Variants in FHL5 observed in about 807,000 individuals in gnomAD.
The protein encoded by FHL5 is four and a half LIM domains protein 5.
A neutral mutation model predicts 32.0 loss-of-function variants in FHL5; 33 were observed. The observed-to-expected ratio is 1.03, with a 90% CI of 0.78 to 1.38. The LOEUF (loss-of-function observed/expected upper bound fraction) is 1.38, where lower values mean the gene tolerates loss of function less well. Among genes scored for constraint, FHL5 ranks in the 40% most tolerant of loss-of-function variants. The pLI is 0.00. For missense variants in FHL5, 336 were observed against 343.9 expected, an observed-to-expected ratio of 0.98 and a Z score of 0.18; for synonymous variants, 114 against 113.6, an observed-to-expected ratio of 1.00 and a Z score of -0.02.
intron 1 of FHL5, among the ~76,000 whole-genome samples, chr6:96,576,898 C>T (rs1216194143): frequency 6.6e-6 from 1 of 152,202 alleles, no homozygotes; most frequent in Non-Finnish European, 1.5e-5. Flanking sequence ...ATACTGTGAA[C>T]ACTTTGGTTT....
At chr6:96,577,687 C>G (rs1770611288) in intron 1 of FHL5, among the ~76,000 whole-genome samples, 1 of 152,152 alleles carries the variant, frequency 6.6e-6, no homozygotes, top group Non-Finnish European at 1.5e-5. Context: ...GAATGAACCT[C>G]TCTGCTCATG....
chr6:96,608,958 A>AG (rs1353845262), intron 4 of FHL5, among the ~76,000 whole-genome samples: 1 of 152,204 alleles, frequency 6.6e-6, no homozygotes, highest in Non-Finnish European at 1.5e-5. Flanking sequence ...CCTGCTAATC[A>AG]TCAGACCAAA....
Position 96,610,645 on chromosome 6 carries a change from G to A in FHL5, c.578G>A (p.Arg193Lys). 6.2e-7 allele frequency: 1 copy of A among 1,613,730 alleles called. No individual in the cohort carries two copies. Among genetic ancestry groups the A allele is most frequent in the Non-Finnish European group, 8.5e-7 (1 of 1,179,666 alleles). Residue 193 changes from arginine to lysine, a missense_variant, in exon 5 of 6, where the codon AGG (arginine) becomes AAG (lysine). Physicochemically the swap from Arg to Lys is conservative, Grantham distance 26. Transcript: ENST00000450218. Reference protein sequence around the residue: ...HKECFLCSGCRKDLCEEQFMS... With the variant: ...HKECFLCSGCKKDLCEEQFMS... ...GAGTGTTTTCTGTGTAGTGGCTGTA[G>A]GAAAGATCTCTGTGAAGAACAGTTC...
In FHL5 at chr6:96,599,324, T is replaced by C. The variant is rs536164239; in HGVS notation, c.-12-4278T>C. ...GATTCTCCTGCCTCAGCCTCCCTCG[T>C]AGCTGAAATTACAGGCATGCACCAC... On this transcript the variant is annotated intron_variant, in intron 1 of 5. Coordinates refer to ENST00000450218, the MANE Select transcript of FHL5 (RefSeq NM_001322466.2). Among the ~76,000 whole-genome samples, 17 of 151,872 alleles carry C rather than the reference T, an allele frequency of 1.1e-4. No individual in the cohort carries two copies. The East Asian group carries it at 3.3e-3, about 30-fold the overall frequency.
chr6:96,603,838 C>A (rs1771210996), intron 2 of FHL5, 66 bp downstream of exon 2: 1 of 1,285,972 alleles, frequency 7.8e-7, no homozygotes, highest in East Asian at 2.4e-5. Flanking sequence ...TGGAGTGCCT[C>A]TTTTCATTTA....
intron 1 of FHL5, among the ~76,000 whole-genome samples, chr6:96,564,008 A>C (rs1770301325): frequency 2.0e-5 from 3 of 152,206 alleles, no homozygotes; most frequent in African/African-American, 7.2e-5. Flanking sequence ...TTATTCAGGC[A>C]AAAAGCATAC....
rs1473344951 is a variant in FHL5, at chr6:96,615,748, C to T, written c.831C>T (p.Gly277=). 6.2e-7 allele frequency: 1 copy of T among 1,611,122 alleles called. No individual in the cohort carries two copies. The change falls in exon 6 of 6, where the codon GGC becomes GGT. Residue 277 remains glycine (G), a synonymous_variant. Coordinates refer to ENST00000450218, the MANE Select transcript of FHL5 (RefSeq NM_001322466.2). ...QNKEIFCQKC[G]SGMDTDI Reference sequence around the variant, plus strand: ...AGGAAATCTTCTGCCAAAAATGTGGCTCCGGAATGGACACTGACATCTAGG... The same window carrying T: ...AGGAAATCTTCTGCCAAAAATGTGGTTCCGGAATGGACACTGACATCTAGG...
At chr6:96,579,173 T>C (rs1435976910) in intron 1 of FHL5, among the ~76,000 whole-genome samples, 1 of 152,200 alleles carries the variant, frequency 6.6e-6, no homozygotes, top group African/African-American at 2.4e-5. Context: ...ATTCCAAAGG[T>C]ACAAATTCTG....
chr6:96,588,995 CT>C (rs1319315806), intron 1 of FHL5, among the ~76,000 whole-genome samples: 1 of 151,916 alleles, frequency 6.6e-6, no homozygotes, highest in African/African-American at 2.4e-5. Flanking sequence ...ATTTTAAAGA[CT>C]TGCCTTTCAT....
intron 1 of FHL5, among the ~76,000 whole-genome samples, chr6:96,597,083 T>G (rs377371749): frequency 9.9e-5 from 15 of 152,174 alleles, no homozygotes; most frequent in African/African-American, 3.6e-4. Context: ...CACTTCATAC[T>G]CACCCTTAAA....
intron 5 of FHL5, among the ~76,000 whole-genome samples, chr6:96,614,264 A>T (rs1027248384): frequency 1.3e-5 from 2 of 152,226 alleles, no homozygotes; most frequent in African/African-American, 4.8e-5. Context: ...TGAACAGCAT[A>T]ATTTATGTAT....
intron 1 of FHL5, among the ~76,000 whole-genome samples, chr6:96,572,387 G>A (rs1562051761): frequency 6.6e-6 from 1 of 152,288 alleles, no homozygotes; most frequent in African/African-American, 2.4e-5. Context: ...CAGGGGCAGG[G>A]GGAGGAGTTG....
Position 96,603,680 on chromosome 6 carries a change from A to C in FHL5, c.67A>C (p.Lys23Gln), listed in dbSNP as rs750587723. The change falls in exon 2 of 6, where the codon AAG becomes CAG. Residue 23 changes from lysine to glutamine, a missense_variant. Lys to Gln is a moderately conservative substitution (Grantham distance 53). Coordinates refer to ENST00000450218, the MANE Select transcript of FHL5 (RefSeq NM_001322466.2). ...ASLLGKKYVL[K>Q]DDSPYCVTCY... The stretch of plus-strand genomic sequence containing the variant: ...ACTTCTTGGGAAGAAATATGTACTA[A>C]AGGATGACAGTCCATACTGTGTTAC... 1 of 1,611,682 alleles carries C rather than the reference A, an allele frequency of 6.2e-7. No individual in the cohort carries two copies. The highest frequency in any genetic ancestry group is 1.7e-5 in the Admixed American group (1 of 59,960).
intron 1 of FHL5, among the ~76,000 whole-genome samples, chr6:96,589,929 T>C (rs1182351791): frequency 1.3e-5 from 2 of 152,074 alleles, no homozygotes; most frequent in African/African-American, 4.8e-5. Context: ...AAAAAGACCA[T>C]TCCTATTCTT....
intron 5 of FHL5, among the ~76,000 whole-genome samples, chr6:96,611,465 G>C (rs1038845732): frequency 2.0e-5 from 3 of 152,082 alleles, no homozygotes; most frequent in Non-Finnish European, 4.4e-5. Flanking sequence ...TTTCCTCAGA[G>C]ACACTTTTAA....
chr6:96,565,673 T>C (rs948931117), intron 1 of FHL5, among the ~76,000 whole-genome samples: 1 of 152,164 alleles, frequency 6.6e-6, no homozygotes, highest in African/African-American at 2.4e-5. Context: ...ATTTTTCCAA[T>C]ATCATTGCAA....
intron 1 of FHL5, among the ~76,000 whole-genome samples, chr6:96,581,365 A>T (rs1322843839): frequency 1.3e-5 from 2 of 152,216 alleles, no homozygotes; most frequent in African/African-American, 2.4e-5. Context: ...TACTAAACAC[A>T]TGAATGGAAA....
intron 1 of FHL5, among the ~76,000 whole-genome samples, chr6:96,594,271 A>ATT (rs1554176522): frequency 1.8e-3 from 132 of 72,936 alleles, no homozygotes; most frequent in African/African-American, 3.8e-3. Flanking sequence ...ATATATATAT[A>ATT]TATGTATGTA....
intron 1 of FHL5, among the ~76,000 whole-genome samples, chr6:96,603,068 A>G (rs548501012): frequency 6.6e-6 from 1 of 152,324 alleles, no homozygotes; most frequent in Non-Finnish European, 1.5e-5. Flanking sequence ...CTCAGGGTAA[A>G]TGTGCAGAGC....
Sources: gnomAD v4.1 joint callset for allele counts (sites outside exome capture counted in the v4.1 genomes callset) on GRCh38, gnomAD v4.1.1 for gene constraint, MANE v1.5 for transcripts, NCBI Gene and HGNC (gene_info 2026-07-23, HGNC 2026-07-21) for gene names.